Variants in SUMF1 observed in about 807,000 individuals in gnomAD.
SUMF1 encodes sulfatase modifying factor 1.
Under a neutral mutation model 47.6 loss-of-function variants are expected in SUMF1, and 48 were observed. That is an observed-to-expected ratio of 1.01 (90% CI 0.80 to 1.28). The LOEUF is 1.28. Ranked by LOEUF, SUMF1 falls within the 50% of genes most tolerant of loss-of-function variation. The pLI, the probability that SUMF1 is intolerant of heterozygous loss-of-function variation, is 0.00. For missense variants in SUMF1, 571 were observed against 485.4 expected (o/e 1.18, Z -1.66); for synonymous variants, 230 against 192.1 (o/e 1.20, Z -1.63).
chr3:4,067,186 A>G (rs746913196), intron 9 of SUMF1, among the ~76,000 whole-genome samples: 2 of 152,162 alleles, frequency 1.3e-5, no homozygotes, highest in Non-Finnish European at 2.9e-5. Flanking sequence ...GGGCATTAGC[A>G]TCTCCAGAAC....
Position 4,214,388 on chromosome 3 carries a change from T to G in SUMF1, c.1015-145643A>C, listed in dbSNP as rs961064549. Among the ~76,000 whole-genome samples the G allele has an allele frequency of 2.0e-5, 3 of 152,118 alleles. No individual in the cohort carries two copies. In the South Asian group the frequency reaches 6.2e-4, roughly 31 times the overall value. On this transcript the variant is annotated intron_variant and NMD_transcript_variant, in intron 8 of 12. Transcript: ENST00000448413. ...AATGAAGACACAATGTACTAGAATA[T>G]CTGGGACACATTTAAAGCACTGTGT...
chr3:4,392,593 A>ATGTGTG (rs764280676), intron 7 of SUMF1, among the ~76,000 whole-genome samples: 25 of 140,902 alleles, frequency 1.8e-4, no homozygotes, highest in African/African-American at 2.3e-4. Flanking sequence ...TCAGATATAT[A>ATGTGTG]TGTGTGTGTG....
chr3:4,366,134 C>G lies in SUMF1; in HGVS notation c.1015-3880G>C, dbSNP rs1297488225. ...TTCGTGGGTAACCCGACCTTTCTCT[C>G]TGGCTGCCCTTAGCATTTTTTCCTT... On this transcript the variant is annotated intron_variant, in intron 8 of 8. Coordinates refer to ENST00000272902, the MANE Select transcript of SUMF1 (RefSeq NM_182760.4). Among the ~76,000 whole-genome samples, 5 of 151,950 alleles carry G rather than the reference C, an allele frequency of 3.3e-5. No individual in the cohort carries two copies. The South Asian group carries it at 8.3e-4, about 25-fold the overall frequency.
At chr3:4,064,701 G>A (rs921203759) in intron 9 of SUMF1, among the ~76,000 whole-genome samples, 2 of 152,106 alleles carry the variant, frequency 1.3e-5, no homozygotes, top group African/African-American at 2.4e-5. Context: ...GCATGAACCC[G>A]GGAGGCAGAG....
At chr3:4,199,617 A>G (rs1370008087) in intron 8 of SUMF1, among the ~76,000 whole-genome samples, 2 of 152,170 alleles carry the variant, frequency 1.3e-5, no homozygotes, top group Non-Finnish European at 2.9e-5. Context: ...CAGTTTCTTC[A>G]TAAATCTAAA....
intron 1 of SUMF1, among the ~76,000 whole-genome samples, chr3:4,455,004 G>A (rs1188275088): frequency 6.6e-6 from 1 of 152,220 alleles, no homozygotes. Flanking sequence ...AGTGATAGTT[G>A]TAACACCTCA....
intron 9 of SUMF1, among the ~76,000 whole-genome samples, chr3:4,040,895 T>A (rs903403036): frequency 2.0e-5 from 3 of 152,190 alleles, no homozygotes; most frequent in African/African-American, 7.2e-5. Context: ...GGGCACTGAG[T>A]TCCCCATAAC....
chr3:4,400,058 C>G (rs1701161318), intron 7 of SUMF1, among the ~76,000 whole-genome samples: 1 of 152,138 alleles, frequency 6.6e-6, no homozygotes, highest in Non-Finnish European at 1.5e-5. Flanking sequence ...AATTTCTGTT[C>G]TCGATTCATA....
intron 9 of SUMF1, among the ~76,000 whole-genome samples, chr3:4,040,241 A>C (rs1040829659): frequency 2.0e-5 from 3 of 152,196 alleles, no homozygotes; most frequent in Non-Finnish European, 4.4e-5. Context: ...AGCTTGGGAA[A>C]ATAAATAAAA....
chr3:4,422,635 G>A (rs793388), intron 3 of SUMF1, among the ~76,000 whole-genome samples: 33,909 of 151,852 alleles, frequency 0.22, 4,939 homozygotes, highest in Non-Finnish European at 0.32. Context: ...ATATATGTAC[G>A]CATTTCTGCC....
intron 9 of SUMF1, among the ~76,000 whole-genome samples, chr3:4,055,488 T>C (rs1441792586): frequency 1.3e-5 from 2 of 152,264 alleles, no homozygotes; most frequent in Middle Eastern, 3.4e-3. Context: ...TTTATTTTAT[T>C]ATTAATTTTT....
chr3:4,133,773 C>T (rs1168822284), intron 8 of SUMF1, among the ~76,000 whole-genome samples: 1 of 152,024 alleles, frequency 6.6e-6, no homozygotes, highest in Non-Finnish European at 1.5e-5. Context: ...ACCTTCTGAT[C>T]ATGTGACTTA....
intron 8 of SUMF1, among the ~76,000 whole-genome samples, chr3:4,185,666 G>A (rs567813586): frequency 4.5e-4 from 68 of 152,198 alleles, no homozygotes; most frequent in African/African-American, 1.4e-3. Context: ...GTTAATTACC[G>A]CAATGTTTAT....
chr3:4,090,161 C>T lies in SUMF1; in HGVS notation c.1015-21416G>A, dbSNP rs150964798. Among the ~76,000 whole-genome samples the T allele has an allele frequency of 2.0e-4, 31 of 152,126 alleles. 3 individuals are homozygous for T. The highest frequency in any genetic ancestry group is 3.9e-4 in the African/African-American group (16 of 41,458). On this transcript the variant is annotated intron_variant and NMD_transcript_variant, in intron 8 of 12. Transcript: ENST00000448413. ...ATTAATGAATAATATGTAATTTGAG[C>T]GCATGCACAGCAGGTCCTCGAATAA...
chr3:4,152,849 T>C (rs554690708), intron 8 of SUMF1, among the ~76,000 whole-genome samples: 1 of 151,626 alleles, frequency 6.6e-6, no homozygotes, highest in South Asian at 2.1e-4. Context: ...AATATCATTG[T>C]TACTGATGGA....
intron 8 of SUMF1, among the ~76,000 whole-genome samples, chr3:4,155,108 T>C (rs1220782420): frequency 6.6e-6 from 1 of 151,560 alleles, no homozygotes; most frequent in Non-Finnish European, 1.5e-5. Flanking sequence ...CCTATCATCT[T>C]GTTGAGACAT....
chr3:4,161,844 C>G (rs1694584367), intron 8 of SUMF1, among the ~76,000 whole-genome samples: 1 of 152,036 alleles, frequency 6.6e-6, no homozygotes, highest in Non-Finnish European at 1.5e-5. Context: ...CCCCTTTACT[C>G]TTCCCTATGC....
chr3:4,258,676 T>C (rs541640694), intron 8 of SUMF1, among the ~76,000 whole-genome samples: 3,084 of 150,644 alleles, frequency 0.02, 49 homozygotes, highest in Non-Finnish European at 0.026. Flanking sequence ...GACTGTAAAC[T>C]GGTTCAACCA....
chr3:4,162,932 G>A lies in SUMF1; in HGVS notation c.1015-94187C>T, dbSNP rs111244130. On this transcript the variant is annotated intron_variant and NMD_transcript_variant, in intron 8 of 12. Transcript: ENST00000448413. ...AAAAAAAAAAGGTTTTGAAAGTAAT[G>A]AAAGAAAAATGAAAAATGTGGAATG... is the stretch of plus-strand genomic sequence containing the variant. Among the ~76,000 whole-genome samples, 975 of 151,636 alleles carry A rather than the reference G, an allele frequency of 6.4e-3. 19 individuals carry two copies. Among genetic ancestry groups the A allele is most frequent in the African/African-American group, 0.023 (934 of 41,296 alleles).
Sources: allele counts gnomAD v4.1 joint callset (sites outside exome capture counted in the v4.1 genomes callset), GRCh38; gene constraint gnomAD v4.1.1; transcripts MANE v1.5; gene names NCBI Gene and HGNC (gene_info 2026-07-23, HGNC 2026-07-21).